Variants in FRMPD4 observed in about 807,000 individuals in gnomAD.
FRMPD4 encodes FERM and PDZ domain-containing protein 4.
A neutral mutation model predicts 94.1 loss-of-function variants in FRMPD4; 22 were observed. The ratio of observed to expected loss-of-function variants is 0.23; its 90% confidence interval spans 0.17 to 0.33. FRMPD4 has a LOEUF of 0.33. FRMPD4 is among the 10% of genes least tolerant of loss of function. The probability of loss-of-function intolerance (pLI) is 1.00; values close to 1 mark genes in which losing one functional copy is unlikely to be tolerated. For synonymous variants in FRMPD4, 631 were observed against 548.6 expected, an observed-to-expected ratio of 1.15 and a Z score of -2.10; for missense variants, 1,111 against 1,339.9, an observed-to-expected ratio of 0.83 and a Z score of 2.67.
intron 1 of FRMPD4, among the ~76,000 whole-genome samples, chrX:12,397,633 A>C (rs1177631607): frequency 3.6e-5 from 4 of 111,669 alleles, no homozygotes; most frequent in Non-Finnish European, 7.5e-5. Flanking sequence ...CTTGGCAGGC[A>C]GACTTAAGTG....
intron 1 of FRMPD4, chrX:12,498,458 C>T (rs2057876337): frequency 2.4e-6 from 1 of 417,147 alleles, no homozygotes; most frequent in Admixed American, 3.6e-5. Flanking sequence ...CTTGGAAAGG[C>T]AGGCACCTAG....
chrX:12,578,833 T>C (rs1278374658), intron 2 of FRMPD4, among the ~76,000 whole-genome samples: 1 of 112,053 alleles, frequency 8.9e-6, no homozygotes, highest in African/African-American at 3.2e-5. Context: ...GCATGATATA[T>C]ATATGTAGAT....
At chrX:12,185,811 C>T (rs975893217) in intron 1 of FRMPD4, among the ~76,000 whole-genome samples, 5 of 111,404 alleles carry the variant, frequency 4.5e-5, no homozygotes, top group Admixed American at 9.5e-5. Flanking sequence ...TGCATATTCA[C>T]CGGAAATCAT....
At chrX:11,836,491 A>G (rs1057257382) in intron 1 of FRMPD4, among the ~76,000 whole-genome samples, 2 of 111,811 alleles carry the variant, frequency 1.8e-5, no homozygotes, top group Non-Finnish European at 3.8e-5. Context: ...GTGAGGTAGT[A>G]ATTATCACTC....
intron 1 of FRMPD4, among the ~76,000 whole-genome samples, chrX:12,251,882 C>T (rs970035851): frequency 8.9e-6 from 1 of 111,931 alleles, no homozygotes; most frequent in African/African-American, 3.2e-5. Flanking sequence ...AGCTGTGGAA[C>T]ATTAGGCAAA....
chrX:12,247,579 G>T lies in FRMPD4; in HGVS notation c.41+108567G>T, dbSNP rs139866050. Reference sequence around the variant, plus strand: ...TTTTGTTTTTTAAATTAGAAATGGGGTCTCATTGTGTTGCCCAGGCTGGTC... The same window carrying T: ...TTTTGTTTTTTAAATTAGAAATGGGTTCTCATTGTGTTGCCCAGGCTGGTC... On this transcript the variant is annotated intron_variant, in intron 1 of 16. Coordinates refer to ENST00000675598, the MANE Select transcript of FRMPD4 (RefSeq NM_001368397.1). Among the ~76,000 whole-genome samples the T allele has an allele frequency of 5.4e-3, 605 of 111,817 alleles. 8 individuals are homozygous for T. Among genetic ancestry groups the T allele is most frequent in the African/African-American group, 0.018 (560 of 30,756 alleles).
At chrX:12,129,097 T>A (rs917113221) in intron 3 of FRMPD4, among the ~76,000 whole-genome samples, 4 of 111,978 alleles carry the variant, frequency 3.6e-5, no homozygotes, top group Admixed American at 1.9e-4. Flanking sequence ...GTTGCCCAGT[T>A]CCAAAGTCGC....
At chrX:12,715,997 A>AGCCGG in intron 14 of FRMPD4, 72 bp from the exon 15 acceptor site, 1 of 387,127 alleles carries the variant, frequency 2.6e-6, no homozygotes, top group East Asian at 4.3e-5. Context: ...AACAGAGACG[A>AGCCGG]GCCTCCCACC....
intron 3 of FRMPD4, among the ~76,000 whole-genome samples, chrX:11,895,356 G>C (rs1465581861): frequency 9.0e-6 from 1 of 111,482 alleles, no homozygotes; most frequent in African/African-American, 3.3e-5. Flanking sequence ...CACTGGAATA[G>C]ACAACGTTAA....
At position 12,540,783 on chromosome X, in the gene FRMPD4, A is replaced by G. The variant is rs146230842; in HGVS notation, c.158+41987A>G. On this transcript the variant is annotated intron_variant, in intron 2 of 16. Transcript: ENST00000675598. ...ACTCTCCACCCCAAATCAACAGAAT[A>G]TACGTTCTTCTAAGCACCACACCAC... 1.5e-3 allele frequency among the ~76,000 whole-genome samples: 173 copies of G among 112,136 alleles called. 3 individuals are homozygous for G. The South Asian group carries it at 0.044, about 28-fold the overall frequency.
intron 2 of FRMPD4, among the ~76,000 whole-genome samples, chrX:12,569,051 G>A (rs1270513574): frequency 9.0e-6 from 1 of 111,260 alleles, no homozygotes; most frequent in African/African-American, 3.3e-5. Flanking sequence ...TGCTATAAAA[G>A]TGAGTTCTTC....
intron 2 of FRMPD4, among the ~76,000 whole-genome samples, chrX:12,503,201 G>C (rs1469731505): frequency 8.9e-6 from 1 of 111,813 alleles, no homozygotes; most frequent in East Asian, 2.8e-4. Flanking sequence ...AGAGTCTGGG[G>C]ATAGAGATGG....
chrX:12,570,040 C>T (rs962533947), intron 2 of FRMPD4, among the ~76,000 whole-genome samples: 1 of 112,029 alleles, frequency 8.9e-6, no homozygotes, highest in Non-Finnish European at 1.9e-5. Context: ...GAGTGTTTGC[C>T]TTATATTCTT....
chrX:12,182,370 T>A (rs2056370233), intron 1 of FRMPD4, among the ~76,000 whole-genome samples: 1 of 111,150 alleles, frequency 9.0e-6, no homozygotes, highest in African/African-American at 3.3e-5. Context: ...CTGTGTCGTG[T>A]TTATTTACTG....
chrX:12,184,099 C>A (rs1299988024), intron 1 of FRMPD4, among the ~76,000 whole-genome samples: 1 of 110,760 alleles, frequency 9.0e-6, no homozygotes, highest in African/African-American at 3.3e-5. Flanking sequence ...AAAGAAAAAA[C>A]CATATTTATG....
intron 1 of FRMPD4, among the ~76,000 whole-genome samples, chrX:12,401,838 G>C (rs2056612456): frequency 8.9e-6 from 1 of 111,900 alleles, no homozygotes; most frequent in South Asian, 3.8e-4. Context: ...TATTTACAAA[G>C]TAGTGTACTA....
At chrX:11,994,259 A>G (rs2054483685) in intron 3 of FRMPD4, among the ~76,000 whole-genome samples, 1 of 111,325 alleles carries the variant, frequency 9.0e-6, no homozygotes, top group African/African-American at 3.3e-5. Flanking sequence ...AAAGTTCAAA[A>G]GCCCTGGCAC....
In FRMPD4 at chrX:12,536,759, G is replaced by C. The variant is rs1602089886; in HGVS notation, c.158+37963G>C. 4.5e-5 allele frequency among the ~76,000 whole-genome samples: 5 copies of C among 111,304 alleles called. 1 individual carries two copies. The Admixed American group carries it at 4.8e-4, about 11-fold the overall frequency. ...TGATGGTTATAACTAAAAAATCATT[G>C]TGCCCTCATTCCTCTGTAAACAGAT... On this transcript the variant is annotated intron_variant, in intron 2 of 16. Coordinates refer to ENST00000675598, the MANE Select transcript of FRMPD4 (RefSeq NM_001368397.1).
At chrX:12,324,897 G>A (rs998486274) in intron 1 of FRMPD4, among the ~76,000 whole-genome samples, 2 of 112,087 alleles carry the variant, frequency 1.8e-5, no homozygotes. Context: ...TAATATCTGT[G>A]TACAAGAACA....
Sources: gnomAD v4.1 joint callset for allele counts (sites outside exome capture counted in the v4.1 genomes callset) on GRCh38, gnomAD v4.1.1 for gene constraint, MANE v1.5 for transcripts, NCBI Gene and HGNC (gene_info 2026-07-23, HGNC 2026-07-21) for gene names.